The following KHDRBS2 variants were observed in gnomAD, a reference collection of about 807,000 sequenced individuals.
KHDRBS2 encodes the protein KH domain-containing, RNA-binding, signal transduction-associated protein 2.
In KHDRBS2, 26 loss-of-function variants were observed where a neutral mutation model predicts 44.3. The observed-to-expected ratio is 0.59, with a 90% CI of 0.43 to 0.81. KHDRBS2 has a LOEUF of 0.81. Ranked by LOEUF, KHDRBS2 falls within the 40% of genes least tolerant of loss-of-function variation. KHDRBS2 has a pLI of 0.00. For synonymous variants in KHDRBS2, 194 were observed against 151.1 expected, an observed-to-expected ratio of 1.28 and a Z score of -2.08; for missense variants, 476 against 433.1, an observed-to-expected ratio of 1.10 and a Z score of -0.88.
intron 6 of KHDRBS2, among the ~76,000 whole-genome samples, chr6:61,853,305 T>A (rs956945348): frequency 9.2e-5 from 14 of 152,326 alleles, no homozygotes; most frequent in African/African-American, 2.6e-4. Flanking sequence ...CCCTATCACA[T>A]TATATAGCTA....
chr6:61,809,146 C>T lies in KHDRBS2; in HGVS notation c.811-76382G>A, dbSNP rs561668691. Among the ~76,000 whole-genome samples, 4 of 151,880 alleles carry T rather than the reference C, an allele frequency of 2.6e-5. 1 individual carries two copies. Among genetic ancestry groups the T allele is most frequent in the Middle Eastern group, 6.3e-3 (2 of 316 alleles). Reference sequence around the variant, plus strand: ...ACATCTAAGCACTAGCCTCTTTTTACTATATTTGCAGAAGTCAAATTTACT... The same window carrying T: ...ACATCTAAGCACTAGCCTCTTTTTATTATATTTGCAGAAGTCAAATTTACT... On this transcript the variant is annotated intron_variant, in intron 6 of 8. Transcript: ENST00000281156.
intron 6 of KHDRBS2, among the ~76,000 whole-genome samples, chr6:61,875,447 T>A (rs564776665): frequency 1.2e-4 from 19 of 152,222 alleles, no homozygotes; most frequent in Non-Finnish European, 2.5e-4. Flanking sequence ...CCTTTCAATC[T>A]GCTTTACTCA....
intron 6 of KHDRBS2, among the ~76,000 whole-genome samples, chr6:61,742,231 G>A (rs1173633182): frequency 6.6e-6 from 1 of 151,806 alleles, no homozygotes; most frequent in Non-Finnish European, 1.5e-5. Flanking sequence ...TATGAAGTGT[G>A]GTTAATTCTT....
chr6:61,543,360 G>T, the KHDRBS2 span, among the ~76,000 whole-genome samples: 1 of 151,838 alleles, frequency 6.6e-6, no homozygotes, highest in Non-Finnish European at 1.5e-5. Context: ...ATATGTAGAG[G>T]TGCTCATCAA....
At chr6:61,817,943 G>A (rs1236785182) in intron 6 of KHDRBS2, among the ~76,000 whole-genome samples, 3 of 152,016 alleles carry the variant, frequency 2.0e-5, no homozygotes, top group African/African-American at 7.2e-5. Flanking sequence ...GGCTGTCCAT[G>A]TGGAGTTCTG....
At chr6:61,601,785 T>A in the KHDRBS2 span, among the ~76,000 whole-genome samples, 3 of 152,040 alleles carry the variant, frequency 2.0e-5, no homozygotes, top group South Asian at 2.1e-4. Context: ...CTTCCTCAAC[T>A]TCTGCTCTCC....
intron 3 of KHDRBS2, among the ~76,000 whole-genome samples, chr6:62,025,675 G>T (rs1367854410): frequency 6.6e-6 from 1 of 151,546 alleles, no homozygotes; most frequent in Non-Finnish European, 1.5e-5. Context: ...TTGAAATTTG[G>T]TGCACGCACT....
At chr6:61,709,372 T>G (rs1339128410) in intron 7 of KHDRBS2, among the ~76,000 whole-genome samples, 1 of 151,648 alleles carries the variant, frequency 6.6e-6, no homozygotes, top group Non-Finnish European at 1.5e-5. Context: ...ATGATCTATA[T>G]AAGGCATCTA....
At chr6:62,062,887 C>T (rs1257525959) in intron 2 of KHDRBS2, among the ~76,000 whole-genome samples, 2 of 147,092 alleles carry the variant, frequency 1.4e-5, no homozygotes, top group Admixed American at 6.8e-5. Flanking sequence ...GCTAGCAAGA[C>T]TAATAAAGAA....
intron 1 of KHDRBS2, among the ~76,000 whole-genome samples, chr6:62,214,084 T>C (rs1416590582): frequency 6.6e-6 from 1 of 152,134 alleles, no homozygotes; most frequent in Non-Finnish European, 1.5e-5. Flanking sequence ...CTTCTATCTC[T>C]TGCAGGTCTC....
chr6:62,152,713 A>G (rs1815483435), intron 2 of KHDRBS2, among the ~76,000 whole-genome samples: 1 of 152,220 alleles, frequency 6.6e-6, no homozygotes, highest in Admixed American at 6.5e-5. Flanking sequence ...AGGTCCATTT[A>G]TCCCTTTGCC....
At chr6:61,944,564 G>T (rs1812811142) in intron 4 of KHDRBS2, among the ~76,000 whole-genome samples, 1 of 152,094 alleles carries the variant, frequency 6.6e-6, no homozygotes, top group Admixed American at 6.5e-5. Context: ...ACAGTTAGAA[G>T]AAATGCGTTC....
rs535021564 is a variant in KHDRBS2 at position 62,194,270 on chromosome 6, A to AT, written c.92-16959dup. Among the ~76,000 whole-genome samples the AT allele has an allele frequency of 2.6e-3, 389 of 151,232 alleles. 3 individuals carry two copies. The highest frequency in any genetic ancestry group is 8.7e-3 in the African/African-American group (357 of 41,270). Reference sequence around the variant, plus strand: ...ATAAACAGGATAAGAGTCCAACTTCATTTTTTTTGCATTTGGATAAACAGC... The same window carrying AT: ...ATAAACAGGATAAGAGTCCAACTTCATTTTTTTTTGCATTTGGATAAACAGC... On this transcript the variant is annotated intron_variant, in intron 1 of 8. Transcript: ENST00000281156.
chr6:62,207,224 A>T (rs1352342377), intron 1 of KHDRBS2, among the ~76,000 whole-genome samples: 1 of 152,126 alleles, frequency 6.6e-6, no homozygotes, highest in African/African-American at 2.4e-5. Context: ...AAGATTCTGT[A>T]AATGATAAAG....
At chr6:62,214,276 G>C (rs1829609913) in intron 1 of KHDRBS2, among the ~76,000 whole-genome samples, 1 of 151,946 alleles carries the variant, frequency 6.6e-6, no homozygotes, top group Non-Finnish European at 1.5e-5. Flanking sequence ...CCATATACAG[G>C]AAAGGATTAT....
intron 1 of KHDRBS2, among the ~76,000 whole-genome samples, chr6:62,232,545 C>A (rs1833052618): frequency 6.6e-6 from 1 of 152,046 alleles, no homozygotes; most frequent in South Asian, 2.1e-4. Flanking sequence ...AAAACATACA[C>A]CTGAAATACA....
chr6:62,132,938 T>C (rs1023788936), intron 2 of KHDRBS2, among the ~76,000 whole-genome samples: 1 of 152,206 alleles, frequency 6.6e-6, no homozygotes, highest in Non-Finnish European at 1.5e-5. Context: ...GGATATAAGG[T>C]ATGACTCAAC....
Position 61,894,547 on chromosome 6 carries a change from T to C in KHDRBS2, c.810+88A>G, listed in dbSNP as rs933416930. The C allele has an allele frequency of 2.8e-5, 28 of 1,016,654 alleles. No homozygotes were observed. The African/African-American group carries it at 3.9e-4, about 14-fold the overall frequency. 63.0% of individuals were successfully genotyped at this position (1,016,654 alleles called of 1,614,324 possible). A position where few individuals can be genotyped will look rare whatever the true frequency, so the allele number is the denominator to read the frequency against. ...TTTCTGCAACAAACATTACCTGCTATATTCACGGTATATGAACAGTTTGAG... is the reference window on the plus strand; with the variant it reads ...TTTCTGCAACAAACATTACCTGCTACATTCACGGTATATGAACAGTTTGAG... On this transcript the variant is annotated intron_variant, in intron 6 of 8. Transcript: ENST00000281156.
intron 3 of KHDRBS2, among the ~76,000 whole-genome samples, chr6:61,988,047 G>T (rs1396309220): frequency 6.6e-6 from 1 of 152,166 alleles, no homozygotes; most frequent in Non-Finnish European, 1.5e-5. Context: ...CAGAGATGTG[G>T]TTAGTGCCAA....
Sources: allele counts gnomAD v4.1 joint callset (sites outside exome capture counted in the v4.1 genomes callset), GRCh38; gene constraint gnomAD v4.1.1; transcripts MANE v1.5; gene names NCBI Gene and HGNC (gene_info 2026-07-23, HGNC 2026-07-21).